PLOD1: variants seen among roughly 807,000 people sequenced by gnomAD.
The protein encoded by PLOD1 is procollagen-lysine,2-oxoglutarate 5-dioxygenase 1.
In PLOD1, 70 loss-of-function variants were observed where a neutral mutation model predicts 94.7. The observed-to-expected ratio is 0.74, with a 90% CI of 0.61 to 0.90. The LOEUF (loss-of-function observed/expected upper bound fraction) is 0.90, where lower values mean the gene tolerates loss of function less well. Among genes scored for constraint, PLOD1 ranks in the 40% least tolerant of loss-of-function variants. The probability of loss-of-function intolerance (pLI) is 0.00; values close to 1 mark genes in which losing one functional copy is unlikely to be tolerated. For synonymous variants in PLOD1, 417 were observed against 400.2 expected, an observed-to-expected ratio of 1.04 and a Z score of -0.50; for missense variants, 905 against 972.7, an observed-to-expected ratio of 0.93 and a Z score of 0.93.
intron 1 of PLOD1, among the ~76,000 whole-genome samples, chr1:11,942,928 A>G (rs1255610441): frequency 6.6e-6 from 1 of 152,082 alleles, no homozygotes; most frequent in African/African-American, 2.4e-5. Context: ...TCAACCAGAG[A>G]GGCAGGCTCT....
intron 1 of PLOD1, among the ~76,000 whole-genome samples, chr1:11,944,875 C>T (rs1401572965): frequency 6.6e-6 from 1 of 152,210 alleles, no homozygotes; most frequent in Non-Finnish European, 1.5e-5. Context: ...CTAGGTTCCT[C>T]CTGACTTCCT....
chr1:11,947,869 G>A, intron 1 of PLOD1, 107 bp from the exon 2 acceptor site: 1 of 776,934 alleles, frequency 1.3e-6, no homozygotes, highest in Non-Finnish European at 2.3e-6. Flanking sequence ...GGGTTGACAT[G>A]AAGACACTTC....
intron 12 of PLOD1, 118 bp from the exon 13 acceptor site, chr1:11,964,526 T>G: frequency 9.5e-7 from 1 of 1,058,030 alleles, no homozygotes; most frequent in Non-Finnish European, 1.5e-6. Context: ...CCCTAGCCTG[T>G]GACTTCCCTT....
In PLOD1 at chr1:11,951,422, C is replaced by T. The variant is rs572404961; in HGVS notation, c.466+902C>T. On this transcript the variant is annotated intron_variant, in intron 4 of 18. Coordinates refer to ENST00000196061, the MANE Select transcript of PLOD1 (RefSeq NM_000302.4). ...CTCTACTAAAAATATAAAAGGTAGCCGGGCGTGGTGGTACACGCCTGTAAT... is the reference window on the plus strand; with the variant it reads ...CTCTACTAAAAATATAAAAGGTAGCTGGGCGTGGTGGTACACGCCTGTAAT... Among the ~76,000 whole-genome samples, 20 of 151,530 alleles carry T rather than the reference C, an allele frequency of 1.3e-4. 1 individual carries two copies. In the South Asian group the frequency reaches 2.7e-3, roughly 20 times the overall value.
chr1:11,955,515 T>C (rs1645732140), intron 6 of PLOD1, among the ~76,000 whole-genome samples: 1 of 152,226 alleles, frequency 6.6e-6, no homozygotes. Flanking sequence ...TGATGAAAGC[T>C]ACGGCTCTGC....
chr1:11,954,929 A>T, intron 6 of PLOD1, 36 bp downstream of exon 6: 1 of 1,494,212 alleles, frequency 6.7e-7, no homozygotes, highest in East Asian at 2.3e-5. Context: ...GGATCCTCAG[A>T]GGGGTGATAG....
Position 11,963,701 on chromosome 1 carries a change from C to T in PLOD1, c.1202+65C>T, listed in dbSNP as rs960392250. The T allele has an allele frequency of 5.2e-6, 5 of 970,660 alleles. No individual in the cohort carries two copies. Among genetic ancestry groups the T allele is most frequent in the African/African-American group, 1.6e-5 (1 of 62,422 alleles). 60.1% of individuals were successfully genotyped at this position (970,660 alleles called of 1,614,324 possible). Reference sequence around the variant, plus strand: ...GGCCTGGTCCTGGGGTGGCAGCCCTCCTTGCCTTCCTCCTCCTCCTCCTCA... The same window carrying T: ...GGCCTGGTCCTGGGGTGGCAGCCCTTCTTGCCTTCCTCCTCCTCCTCCTCA... On this transcript the variant is annotated intron_variant, in intron 11 of 18. Coordinates refer to ENST00000196061, the MANE Select transcript of PLOD1 (RefSeq NM_000302.4). This position sits in a 1 kb window ranked among gnomAD's most constrained non-coding sequence, Gnocchi z 4.3.
Position 11,957,049 on chromosome 1 carries a change from G to A in PLOD1, c.741+35G>A. 7.3e-7 allele frequency: 1 copy of A among 1,362,526 alleles called. No individual in the cohort carries two copies. The highest frequency in any genetic ancestry group is 1.1e-6 in the Non-Finnish European group (1 of 950,200). 84.4% of individuals were successfully genotyped at this position (1,362,526 alleles called of 1,614,324 possible). On this transcript the variant is annotated intron_variant, in intron 7 of 18. Transcript: ENST00000196061. The surrounding 1 kb of genome is among the most constrained non-coding windows in gnomAD (Gnocchi z 4.1). ...CCCCAGCCCCTGGGGAGTGTGGGAG[G>A]GGGCCAGAGCCCTAATTTCATTCTC...
At chr1:11,973,704 C>T (rs186420975) in intron 18 of PLOD1, among the ~76,000 whole-genome samples, 1 of 151,992 alleles carries the variant, frequency 6.6e-6, no homozygotes, top group East Asian at 1.9e-4. Context: ...CTCAGCCCCC[C>T]CAAGTAGTTG....
chr1:11,934,897 G>A, intron 1 of PLOD1, 42 bp downstream of exon 1: 1 of 1,526,858 alleles, frequency 6.5e-7, no homozygotes, highest in Non-Finnish European at 8.8e-7. Flanking sequence ...GGATCCGGGC[G>A]GGAGGGCTGG....
chr1:11,936,209 G>C (rs910569816), intron 1 of PLOD1, among the ~76,000 whole-genome samples: 33 of 151,986 alleles, frequency 2.2e-4, no homozygotes, highest in Admixed American at 1.3e-4. Flanking sequence ...AGAGGTGGTT[G>C]GTCCGAGGTC....
At chr1:11,959,894 C>T (rs1422299111) in intron 9 of PLOD1, among the ~76,000 whole-genome samples, 1 of 149,762 alleles carries the variant, frequency 6.7e-6, no homozygotes, top group Non-Finnish European at 1.5e-5. Context: ...GCGATTACAG[C>T]CATGAGCCAC....
At position 11,954,864 on chromosome 1, in the gene PLOD1, G is replaced by C. The variant is rs536503346; in HGVS notation, c.614G>C (p.Arg205Pro). The change falls in exon 6 of 19, where the codon CGT (arginine) becomes CCT (proline). Residue 205 changes from arginine to proline, a missense_variant. Transcript: ENST00000196061. ...QINITLDHRC[R>P]IFQNLDGALD... is the part of the protein sequence containing the mutation. ...AATATCACCCTGGACCACCGCTGCCGTATCTTCCAGAACCTGGATGGAGCC... is the reference window on the plus strand; with the variant it reads ...AATATCACCCTGGACCACCGCTGCCCTATCTTCCAGAACCTGGATGGAGCC... 2 of 1,613,686 alleles carry C rather than the reference G, an allele frequency of 1.2e-6. No homozygotes were observed. Among genetic ancestry groups the C allele is most frequent in the Non-Finnish European group, 1.7e-6 (2 of 1,179,582 alleles).
chr1:11,936,966 A>G (rs938538813), intron 1 of PLOD1, among the ~76,000 whole-genome samples: 1 of 150,142 alleles, frequency 6.7e-6, no homozygotes, highest in Non-Finnish European at 1.5e-5. Context: ...TCCTGCCTCA[A>G]TCTCCCTAGT....
rs542623974 is a variant in PLOD1, at chr1:11,942,414, G to A, written c.77-5562G>A. 3.3e-5 allele frequency among the ~76,000 whole-genome samples: 5 copies of A among 152,326 alleles called. No homozygotes were observed. The South Asian group carries it at 1.0e-3, about 32-fold the overall frequency. Reference sequence around the variant, plus strand: ...GGCCCTGGCCTGGCAGAGGGAGAAGGAGCAGGTTTGTACCAATACGTCAAC... The same window carrying A: ...GGCCCTGGCCTGGCAGAGGGAGAAGAAGCAGGTTTGTACCAATACGTCAAC... On this transcript the variant is annotated intron_variant, in intron 1 of 18. Transcript: ENST00000196061.
chr1:11,965,595 T>C lies in PLOD1; in HGVS notation c.1584+2T>C. ...TGGGAGGTGTTCAGCAACCCCGAGG[T>C]GAGGCCAGGGTGGGCACATAGGGGC... is the stretch of plus-strand genomic sequence containing the variant. On this transcript the variant is annotated splice_donor_variant, in intron 14 of 18. Transcript: ENST00000196061. LOFTEE classifies it high-confidence loss of function. 1 of 1,591,956 alleles carries C rather than the reference T, an allele frequency of 6.3e-7. No individual in the cohort carries two copies. The highest frequency in any genetic ancestry group is 8.6e-7 in the Non-Finnish European group (1 of 1,160,216).
At chr1:11,944,501 C>T (rs1053209051) in intron 1 of PLOD1, 22 of 1,326,702 alleles carry the variant, frequency 1.7e-5, no homozygotes, top group African/African-American at 1.3e-4. Flanking sequence ...TGAAATGTGA[C>T]ACTCTTCCTG....
In PLOD1 at chr1:11,957,016, T is replaced by G; in HGVS notation, c.741+2T>G. On this transcript the variant is annotated splice_donor_variant, in intron 7 of 18. Transcript: ENST00000196061. LOFTEE classifies it high-confidence loss of function. The surrounding 1 kb of genome is among the most constrained non-coding windows in gnomAD (Gnocchi z 4.1). The stretch of plus-strand genomic sequence containing the variant: ...ATCCATGGCAACGGGCCAACCAAGG[T>G]AGGGGGTCCCCAGCCCCTGGGGAGT... 1.2e-6 allele frequency: 2 copies of G among 1,601,336 alleles called. No homozygotes were observed. Among genetic ancestry groups the G allele is most frequent in the Non-Finnish European group, 1.7e-6 (2 of 1,168,562 alleles).
intron 1 of PLOD1, among the ~76,000 whole-genome samples, chr1:11,942,851 C>T (rs554258203): frequency 1.3e-5 from 2 of 152,304 alleles, no homozygotes; most frequent in Non-Finnish European, 2.9e-5. Context: ...GATTCCACAA[C>T]CTCTCTTGTG....
Sources: gnomAD v4.1 joint callset for allele counts (sites outside exome capture counted in the v4.1 genomes callset) on GRCh38, gnomAD v4.1.1 for gene constraint, Gnocchi (gnomAD v3.1) non-coding constraint, MANE v1.5 for transcripts, NCBI Gene and HGNC (gene_info 2026-07-23, HGNC 2026-07-21) for gene names.